Variants in FER1L6 observed in about 807,000 individuals in gnomAD.
FER1L6 encodes fer-1 like family member 6, also known as fer-1-like protein 6.
FER1L6 carries 177 observed loss-of-function variants against 219.2 expected under a neutral mutation model. That is an observed-to-expected ratio of 0.81 (90% CI 0.71 to 0.91). The LOEUF (loss-of-function observed/expected upper bound fraction) is 0.91, where lower values mean the gene tolerates loss of function less well. FER1L6 is among the 40% of genes least tolerant of loss of function. The pLI is 0.00. For missense variants in FER1L6, 2,153 were observed against 2,259.9 expected (o/e 0.95, Z 0.96); for synonymous variants, 768 against 824.3 (o/e 0.93, Z 1.17).
chr8:124,077,420 T>C (rs1422266200), intron 32 of FER1L6, among the ~76,000 whole-genome samples: 1 of 152,248 alleles, frequency 6.6e-6, no homozygotes, highest in African/African-American at 2.4e-5. Context: ...TTTACACATC[T>C]GTGATCACTT....
At chr8:123,890,841 G>T (rs1467527325) in intron 1 of FER1L6, among the ~76,000 whole-genome samples, 1 of 146,254 alleles carries the variant, frequency 6.8e-6, no homozygotes, top group Admixed American at 6.8e-5. Flanking sequence ...TATTAATTTT[G>T]TTATTTAAAA....
At position 123,852,509 on chromosome 8, in the gene FER1L6, TG is replaced by T. The variant is rs1816530968; in HGVS notation, c.-8+325del. 3.6e-5 allele frequency among the ~76,000 whole-genome samples: 5 copies of T among 140,414 alleles called. No individual in the cohort carries two copies. Among genetic ancestry groups the T allele is most frequent in the African/African-American group, 1.3e-4 (5 of 39,014 alleles). The allele number at this position is 140,414 out of a possible 152,430, so 92.1% of individuals were successfully genotyped here. A position where few individuals can be genotyped will look rare whatever the true frequency, so the allele number is the denominator to read the frequency against. ...GTGTGTGTGTGTGTGTGTGTGTGTG[TG>T]TGTTTGACAGAGACAGAGGGAGGAG... On this transcript the variant is annotated intron_variant, in intron 1 of 40. Transcript: ENST00000522917. The surrounding 1 kb of genome is among the most constrained non-coding windows in gnomAD (Gnocchi z 4.9).
intron 1 of FER1L6, among the ~76,000 whole-genome samples, chr8:123,938,526 T>A (rs1037453840): frequency 2.0e-5 from 3 of 148,872 alleles, no homozygotes; most frequent in Admixed American, 1.4e-4. Context: ...TAAAAGCTTA[T>A]ACAATTTACC....
intron 3 of FER1L6, 79 bp downstream of exon 3, chr8:123,963,477 G>A: frequency 6.6e-7 from 1 of 1,505,492 alleles, no homozygotes; most frequent in Non-Finnish European, 9.2e-7. Context: ...GGTGCTGGGA[G>A]AAGAGAGGAG....
chr8:123,856,767 A>T (rs1816657584), intron 1 of FER1L6, among the ~76,000 whole-genome samples: 1 of 152,008 alleles, frequency 6.6e-6, no homozygotes, highest in Non-Finnish European at 1.5e-5. Flanking sequence ...TTTTCACAGA[A>T]TTTAGTATCA....
intron 10 of FER1L6, among the ~76,000 whole-genome samples, chr8:123,978,705 A>G (rs945844320): frequency 2.6e-5 from 4 of 152,168 alleles, no homozygotes; most frequent in Non-Finnish European, 4.4e-5. Flanking sequence ...TCATCTGTAT[A>G]TGGTTAATGT....
chr8:124,035,096 T>C lies in FER1L6; in HGVS notation c.2287-181T>C, dbSNP rs147634369. Among the ~76,000 whole-genome samples the C allele has an allele frequency of 3.8e-3, 585 of 152,304 alleles. 3 individuals carry two copies. Among genetic ancestry groups the C allele is most frequent in the African/African-American group, 0.011 (440 of 41,570 alleles). On this transcript the variant is annotated intron_variant, in intron 18 of 40. Transcript: ENST00000522917. ...AGACCTGGATCTTCCTCTGGAGATA[T>C]GGAGTTGTGCATCAAGGCAATTGGG... is the stretch of plus-strand genomic sequence containing the variant.
intron 1 of FER1L6, among the ~76,000 whole-genome samples, chr8:123,912,850 A>G (rs1813079056): frequency 6.6e-6 from 1 of 152,210 alleles, no homozygotes; most frequent in Admixed American, 6.5e-5. Context: ...TAAATCCTCA[A>G]CACTGACTCC....
At chr8:123,896,607 T>C (rs1435125976) in intron 1 of FER1L6, among the ~76,000 whole-genome samples, 1 of 152,212 alleles carries the variant, frequency 6.6e-6, no homozygotes, top group Non-Finnish European at 1.5e-5. Flanking sequence ...TTATTTTTTT[T>C]CCTTCACCTT....
chr8:123,948,326 A>G (rs972664829), intron 1 of FER1L6, among the ~76,000 whole-genome samples: 20 of 152,226 alleles, frequency 1.3e-4, no homozygotes, highest in African/African-American at 4.8e-4. Flanking sequence ...TTAAAAATTA[A>G]ATCTTGAAGC....
chr8:123,863,345 T>C (rs201648817), intron 1 of FER1L6, among the ~76,000 whole-genome samples: 1 of 28,774 alleles, frequency 3.5e-5, no homozygotes, highest in Non-Finnish European at 6.4e-5. Flanking sequence ...GTCTGAGAGA[T>C]AGTTTGTTAT....
chr8:123,855,703 A>G (rs200306369), intron 1 of FER1L6, among the ~76,000 whole-genome samples: 2,640 of 88,216 alleles, frequency 0.03, 77 homozygotes, highest in African/African-American at 0.12. Flanking sequence ...GTGTGTGTGT[A>G]TATGTACACA....
intron 39 of FER1L6, among the ~76,000 whole-genome samples, chr8:124,115,201 T>C (rs1823192968): frequency 6.6e-6 from 1 of 151,084 alleles, no homozygotes; most frequent in Non-Finnish European, 1.5e-5. Flanking sequence ...ATTAGGCTAC[T>C]AGATAGTCTC....
intron 22 of FER1L6, among the ~76,000 whole-genome samples, chr8:124,051,006 A>G (rs923745127): frequency 6.6e-6 from 1 of 152,244 alleles, no homozygotes; most frequent in Admixed American, 6.5e-5. Flanking sequence ...AAACTCAATT[A>G]GTATAGAAAC....
chr8:124,103,709 G>A (rs935323359), intron 39 of FER1L6, among the ~76,000 whole-genome samples: 5 of 152,262 alleles, frequency 3.3e-5, no homozygotes, highest in South Asian at 2.1e-4. Flanking sequence ...CCCTTTTCCC[G>A]AATTGTCCAC....
At chr8:123,864,310 A>G (rs1250564579) in intron 1 of FER1L6, among the ~76,000 whole-genome samples, 2 of 146,506 alleles carry the variant, frequency 1.4e-5, no homozygotes, top group Non-Finnish European at 3.0e-5. Context: ...ATTGGCCCCC[A>G]CTCTCTTCTG....
chr8:123,944,063 CTACAAT>C (rs1814375572), intron 1 of FER1L6, among the ~76,000 whole-genome samples: 1 of 151,910 alleles, frequency 6.6e-6, no homozygotes, highest in African/African-American at 2.4e-5. Context: ...ACCTTTTAGA[CTACAAT>C]TTCCTTATCT....
intron 1 of FER1L6, among the ~76,000 whole-genome samples, chr8:123,951,150 C>A (rs1196229350): frequency 2.6e-5 from 4 of 152,144 alleles, no homozygotes; most frequent in Non-Finnish European, 5.9e-5. Context: ...GTCTACTTAA[C>A]CACAAGGGTT....
rs1820861252 is a variant in FER1L6 at position 124,067,104 on chromosome 8, G to A, written c.3678+554G>A. Among the ~76,000 whole-genome samples, 7 of 152,210 alleles carry A rather than the reference G, an allele frequency of 4.6e-5. No individual in the cohort carries two copies. The South Asian group carries it at 1.5e-3, about 32-fold the overall frequency. On this transcript the variant is annotated intron_variant, in intron 27 of 40. Transcript: ENST00000522917. ...AGACAGTGGGGAGTAGGCCTGGAGA[G>A]TCCGGCAAAAGCTCGGCAACTGGAT... is the stretch of plus-strand genomic sequence containing the variant.
Sources: gnomAD v4.1 joint callset for allele counts (sites outside exome capture counted in the v4.1 genomes callset) on GRCh38, gnomAD v4.1.1 for gene constraint, Gnocchi (gnomAD v3.1) non-coding constraint, MANE v1.5 for transcripts, NCBI Gene and HGNC (gene_info 2026-07-23, HGNC 2026-07-21) for gene names.